The following LAMA2 variants were observed in gnomAD, a reference collection of about 807,000 sequenced individuals.
LAMA2 encodes the protein laminin subunit alpha-2.
Under a neutral mutation model 364.8 loss-of-function variants are expected in LAMA2, and 269 were observed. That is an observed-to-expected ratio of 0.74 (90% CI 0.67 to 0.82). LAMA2 has a LOEUF of 0.82. Ranked by LOEUF, LAMA2 falls within the 40% of genes least tolerant of loss-of-function variation. LAMA2 has a pLI of 0.00. For missense variants in LAMA2, 3,807 were observed against 3,873.2 expected, an observed-to-expected ratio of 0.98 and a Z score of 0.45; for synonymous variants, 1,379 against 1,370.6, an observed-to-expected ratio of 1.01 and a Z score of -0.14.
intron 47 of LAMA2, 66 bp downstream of exon 47, chr6:129,454,354 AAGAAAACTCCTATTT>A: frequency 1.5e-6 from 2 of 1,290,806 alleles, no homozygotes; most frequent in Non-Finnish European, 1.1e-6. Flanking sequence ...CCCAGTTTAT[AAGAAAACTCCTATTT>A]CCATTTCAAT....
chr6:128,935,186 T>G (rs1779739341), intron 1 of LAMA2, among the ~76,000 whole-genome samples: 1 of 152,088 alleles, frequency 6.6e-6, no homozygotes, highest in Non-Finnish European at 1.5e-5. Flanking sequence ...TTACATTAGG[T>G]ATTTATCCTA....
intron 27 of LAMA2, among the ~76,000 whole-genome samples, 188 bp downstream of exon 27, chr6:129,316,359 C>G (rs895501695): frequency 6.6e-6 from 1 of 151,842 alleles, no homozygotes; most frequent in Admixed American, 6.6e-5. Context: ...AGAAAAATAG[C>G]ATGAGAAACA....
intron 3 of LAMA2, among the ~76,000 whole-genome samples, chr6:129,067,881 G>C (rs567384755): frequency 1.3e-5 from 2 of 152,198 alleles, no homozygotes; most frequent in South Asian, 4.2e-4. Flanking sequence ...CTCAACAAGG[G>C]CCTCCTTGAC....
chr6:129,146,266 C>A (rs1378210417), intron 5 of LAMA2, among the ~76,000 whole-genome samples: 2 of 151,764 alleles, frequency 1.3e-5, no homozygotes, highest in African/African-American at 2.4e-5. Flanking sequence ...ATGTTATATA[C>A]ACATTAATTA....
intron 41 of LAMA2, among the ~76,000 whole-genome samples, chr6:129,436,136 A>G (rs1409026922): frequency 6.6e-6 from 1 of 152,218 alleles, no homozygotes; most frequent in South Asian, 2.1e-4. Context: ...AAATATATGC[A>G]CACAGAAAGC....
Position 129,154,683 on chromosome 6 carries a change from G to GTTT in LAMA2, c.1206_1206+1insTTT (p.Gly402_Val403insPhe). ...CTGATGGCTTCTTCAGACCCAAAGG[G>GTTT]GTAAAGTATGCTTTTTCTTTCATAA... On this transcript the variant is annotated inframe_insertion and splice_region_variant. Transcript: ENST00000421865. 1 of 1,612,140 alleles carries GTTT rather than the reference G, an allele frequency of 6.2e-7. No individual in the cohort carries two copies. The highest frequency in any genetic ancestry group is 8.5e-7 in the Non-Finnish European group (1 of 1,178,562).
intron 4 of LAMA2, among the ~76,000 whole-genome samples, chr6:129,135,850 T>C (rs1777760441): frequency 6.6e-6 from 1 of 152,200 alleles, no homozygotes; most frequent in Non-Finnish European, 1.5e-5. Context: ...CCAAAAGAGA[T>C]TGAGAAGCTC....
intron 54 of LAMA2, among the ~76,000 whole-genome samples, chr6:129,480,075 C>A (rs993073403): frequency 2.6e-5 from 4 of 152,012 alleles, no homozygotes; most frequent in African/African-American, 9.7e-5. Flanking sequence ...TTTGCAGTAA[C>A]CAGGAATTAT....
chr6:129,064,852 A>C (rs909092418), intron 3 of LAMA2, among the ~76,000 whole-genome samples: 1 of 152,186 alleles, frequency 6.6e-6, no homozygotes, highest in Non-Finnish European at 1.5e-5. Flanking sequence ...AACTAATACC[A>C]ATCCTTCTCA....
chr6:129,090,344 G>C (rs1376319221), intron 3 of LAMA2, among the ~76,000 whole-genome samples: 1 of 152,044 alleles, frequency 6.6e-6, no homozygotes, highest in Non-Finnish European at 1.5e-5. Context: ...ATGTATCTCT[G>C]AAGGATAAGA....
At chr6:129,292,627 C>T (rs551279803) in intron 20 of LAMA2, among the ~76,000 whole-genome samples, 4 of 152,172 alleles carry the variant, frequency 2.6e-5, no homozygotes, top group Non-Finnish European at 4.4e-5. Flanking sequence ...TTTGCTCTAG[C>T]GCTTTCACAA....
intron 5 of LAMA2, among the ~76,000 whole-genome samples, chr6:129,145,839 A>G (rs759980272): frequency 6.6e-6 from 1 of 151,960 alleles, no homozygotes; most frequent in Non-Finnish European, 1.5e-5. Context: ...TTTAAAATAG[A>G]TTTCCCAGTT....
intron 35 of LAMA2, among the ~76,000 whole-genome samples, chr6:129,390,896 T>G (rs1378359834): frequency 6.6e-6 from 1 of 152,134 alleles, no homozygotes; most frequent in Non-Finnish European, 1.5e-5. Flanking sequence ...CACAGACCCT[T>G]GTGAAGGATG....
At chr6:129,374,744 A>ATTTT (rs33988321) in intron 34 of LAMA2, among the ~76,000 whole-genome samples, 1 of 137,304 alleles carries the variant, frequency 7.3e-6, no homozygotes. Context: ...TGCCCAGCTA[A>ATTTT]TTTTTTTTTT....
intron 56 of LAMA2, among the ~76,000 whole-genome samples, chr6:129,491,485 G>A (rs1170012310): frequency 6.6e-6 from 1 of 152,190 alleles, no homozygotes; most frequent in African/African-American, 2.4e-5. Flanking sequence ...TAAGCTCTCA[G>A]GAGCATGGTT....
At chr6:129,443,758 G>A (rs1313371309) in intron 44 of LAMA2, among the ~76,000 whole-genome samples, 1 of 151,776 alleles carries the variant, frequency 6.6e-6, no homozygotes, top group Non-Finnish European at 1.5e-5. Flanking sequence ...TGAAAGTCAA[G>A]AAAAACTAAA....
In LAMA2 at chr6:129,454,174, A is replaced by G; in HGVS notation, c.6593A>G (p.Glu2198Gly). 6.2e-7 allele frequency: 1 copy of G among 1,612,798 alleles called. No homozygotes were observed. The highest frequency in any genetic ancestry group is 8.5e-7 in the Non-Finnish European group (1 of 1,178,988). Residue 2198 changes from glutamate to glycine, a missense_variant, in exon 47 of 65, where the codon GAA becomes GGA. By Grantham distance (98) the Glu-to-Gly change is moderately conservative. Around this residue, in one of 3 missense-constraint regions of LAMA2, gnomAD observed 3,333 missense variants for 3,345.7 expected, o/e 1.00. Coordinates refer to ENST00000421865, the MANE Select transcript of LAMA2 (RefSeq NM_000426.4). ...AACTAGATTGACTTTCTGGCTATAG[A>G]AATGCGTAAAGGCAAAGTCAGCTTC... is the stretch of plus-strand genomic sequence containing the variant. ...SAKFIDFLAI[E>G]MRKGKVSFLW...
intron 1 of LAMA2, among the ~76,000 whole-genome samples, chr6:128,998,533 GT>G (rs1784152522): frequency 4.8e-5 from 5 of 105,258 alleles, no homozygotes; most frequent in Non-Finnish European, 7.4e-5. Flanking sequence ...GCAGGCCAGT[GT>G]GTGTGCGCAC....
At position 129,430,985 on chromosome 6, in the gene LAMA2, A is replaced by T. The variant is rs143856248; in HGVS notation, c.5968+3131A>T. ...AAAAGTTTGAGAATATTAAGATTTT[A>T]AAATTATACATCTTACCTTATATTG... On this transcript the variant is annotated intron_variant, in intron 41 of 64. Transcript: ENST00000421865. 6.1e-3 allele frequency among the ~76,000 whole-genome samples: 925 copies of T among 152,296 alleles called. 8 individuals carry two copies. The highest frequency in any genetic ancestry group is 0.02 in the African/African-American group (826 of 41,578).
Sources: allele counts gnomAD v4.1 joint callset (sites outside exome capture counted in the v4.1 genomes callset), GRCh38; gene constraint gnomAD v4.1.1; regional missense constraint gnomAD v4.1.1; transcripts MANE v1.5; gene names NCBI Gene and HGNC (gene_info 2026-07-23, HGNC 2026-07-21).